DYNC1I1: variants seen among roughly 807,000 people sequenced by gnomAD.
DYNC1I1 encodes the protein dynein cytoplasmic 1 intermediate chain 1.
Under a neutral mutation model 86.6 loss-of-function variants are expected in DYNC1I1, and 43 were observed. The observed-to-expected ratio is 0.50, with a 90% CI of 0.39 to 0.64. DYNC1I1 has a LOEUF of 0.64. Ranked by LOEUF, DYNC1I1 falls within the 30% of genes least tolerant of loss-of-function variation. The pLI is 0.00. For missense variants in DYNC1I1, 604 were observed against 788.8 expected, an observed-to-expected ratio of 0.77 and a Z score of 2.81; for synonymous variants, 262 against 283.7, an observed-to-expected ratio of 0.92 and a Z score of 0.77.
chr7:96,036,092 T>G (rs990095496), intron 13 of DYNC1I1, among the ~76,000 whole-genome samples: 6 of 152,192 alleles, frequency 3.9e-5, no homozygotes, highest in African/African-American at 1.2e-4. Flanking sequence ...CCTCCATGCC[T>G]CAATGAGTTT....
chr7:96,028,144 A>ATC (rs145322007), intron 10 of DYNC1I1, 31 bp from the exon 11 acceptor site: 57 of 1,574,560 alleles, frequency 3.6e-5, no homozygotes, highest in Middle Eastern at 1.7e-4. Flanking sequence ...TTCACATTGC[A>ATC]TCTCTCTCTC....
chr7:95,888,914 A>G (rs1790666656), intron 6 of DYNC1I1, among the ~76,000 whole-genome samples: 1 of 152,198 alleles, frequency 6.6e-6, no homozygotes, highest in Non-Finnish European at 1.5e-5. Context: ...TAATTTTGGT[A>G]ATTCTGAAGT....
intron 6 of DYNC1I1, among the ~76,000 whole-genome samples, chr7:95,964,729 G>A (rs1792964003): frequency 6.6e-6 from 1 of 152,178 alleles, no homozygotes; most frequent in Admixed American, 6.5e-5. Context: ...GGGAAAACAA[G>A]TGCCATGTGC....
At chr7:96,065,276 C>T (rs949722670) in intron 14 of DYNC1I1, among the ~76,000 whole-genome samples, 3 of 152,044 alleles carry the variant, frequency 2.0e-5, no homozygotes, top group African/African-American at 7.2e-5. Flanking sequence ...GTCCTCTCCA[C>T]TGGTTCTCTC....
chr7:95,873,967 A>C (rs1450167125), intron 6 of DYNC1I1, among the ~76,000 whole-genome samples: 2 of 152,190 alleles, frequency 1.3e-5, no homozygotes, highest in Admixed American at 1.3e-4. Flanking sequence ...ATTTTTGTAG[A>C]TACTTATCAC....
chr7:95,777,854 C>G (rs1224920396), intron 1 of DYNC1I1, among the ~76,000 whole-genome samples: 1 of 151,798 alleles, frequency 6.6e-6, no homozygotes, highest in Admixed American at 6.6e-5. Flanking sequence ...TTTTTTTTCT[C>G]TTTTATAATC....
intron 6 of DYNC1I1, among the ~76,000 whole-genome samples, chr7:95,882,847 G>C (rs539794940): frequency 2.3e-4 from 35 of 152,262 alleles, no homozygotes; most frequent in Non-Finnish European, 3.5e-4. Context: ...TGGCATATTT[G>C]GGTAAGAAAA....
At chr7:95,882,524 C>T (rs2116230714) in intron 6 of DYNC1I1, among the ~76,000 whole-genome samples, 1 of 152,324 alleles carries the variant, frequency 6.6e-6, no homozygotes, top group Middle Eastern at 3.4e-3. Context: ...ATAGTGTCCC[C>T]ATCATCTTCA....
At chr7:96,059,155 G>C (rs1789683405) in intron 14 of DYNC1I1, among the ~76,000 whole-genome samples, 1 of 151,952 alleles carries the variant, frequency 6.6e-6, no homozygotes, top group Non-Finnish European at 1.5e-5. Flanking sequence ...TGTATTGTTG[G>C]TTCATTGACA....
intron 6 of DYNC1I1, among the ~76,000 whole-genome samples, chr7:95,900,785 TTTA>T (rs1215152740): frequency 1.3e-5 from 2 of 152,176 alleles, no homozygotes; most frequent in East Asian, 3.9e-4. Context: ...ATAAAAAAGT[TTTA>T]TTAAGAAGAA....
chr7:95,957,547 T>A (rs968100260), intron 6 of DYNC1I1, among the ~76,000 whole-genome samples: 2 of 152,156 alleles, frequency 1.3e-5, no homozygotes, highest in African/African-American at 2.4e-5. Flanking sequence ...GTCTGAGAAG[T>A]TCTTGATTGG....
chr7:95,787,806 A>G lies in DYNC1I1; in HGVS notation c.-10+15033A>G, dbSNP rs557639989. The stretch of plus-strand genomic sequence containing the variant: ...ACTTAAGGCAGCAGAGAAGATGGCA[A>G]TGCAGGGACAGTGGGTGGGGAATAG... On this transcript the variant is annotated intron_variant, in intron 1 of 16. Coordinates refer to ENST00000447467, the MANE Select transcript of DYNC1I1 (RefSeq NM_001135556.2). Among the ~76,000 whole-genome samples, 3 of 152,348 alleles carry G rather than the reference A, an allele frequency of 2.0e-5. No individual in the cohort carries two copies. The South Asian group carries it at 6.2e-4, about 32-fold the overall frequency.
chr7:95,949,226 G>C (rs1322576556), intron 6 of DYNC1I1, among the ~76,000 whole-genome samples: 1 of 152,228 alleles, frequency 6.6e-6, no homozygotes, highest in Non-Finnish European at 1.5e-5. Flanking sequence ...AAAAGCAAGA[G>C]TTGTATGTAT....
At chr7:95,818,437 G>A (rs1261576879) in intron 4 of DYNC1I1, 1 of 621,856 alleles carries the variant, frequency 1.6e-6, no homozygotes, top group African/African-American at 1.8e-5. Flanking sequence ...GCATAGCTAG[G>A]AGTACAGTTG....
chr7:96,101,748 T>C (rs115264770), downstream of DYNC1I1, among the ~76,000 whole-genome samples: 1,231 of 152,226 alleles, frequency 8.1e-3, 20 homozygotes, highest in African/African-American at 0.029. Context: ...TTACATCAGG[T>C]ACCTGGCCTC....
intron 5 of DYNC1I1, among the ~76,000 whole-genome samples, chr7:95,852,264 A>T (rs892764387): frequency 2.0e-5 from 3 of 151,666 alleles, no homozygotes; most frequent in African/African-American, 7.3e-5. Context: ...GAATTTATCC[A>T]TTTCTTTTGG....
At chr7:95,792,013 T>G (rs41359145) in intron 1 of DYNC1I1, among the ~76,000 whole-genome samples, 4,623 of 152,262 alleles carry the variant, frequency 0.03, 186 homozygotes, top group Admixed American at 0.1. Context: ...TTCTCAAAAT[T>G]TTAGTGAAAA....
chr7:95,878,874 A>G (rs1330797813), intron 6 of DYNC1I1, among the ~76,000 whole-genome samples: 1 of 151,662 alleles, frequency 6.6e-6, no homozygotes, highest in Admixed American at 6.6e-5. Flanking sequence ...AATAAGATAA[A>G]CTGCTGACTT....
At chr7:95,913,466 G>T (rs1279551728) in intron 6 of DYNC1I1, among the ~76,000 whole-genome samples, 2 of 152,142 alleles carry the variant, frequency 1.3e-5, no homozygotes, top group Non-Finnish European at 2.9e-5. Flanking sequence ...ACGGGGGCAG[G>T]TTTTCCCATG....
Sources: gnomAD v4.1 joint callset for allele counts (sites outside exome capture counted in the v4.1 genomes callset) on GRCh38, gnomAD v4.1.1 for gene constraint, MANE v1.5 for transcripts, NCBI Gene and HGNC (gene_info 2026-07-23, HGNC 2026-07-21) for gene names.